Variants in RALGAPA1 observed in about 807,000 individuals in gnomAD.
RALGAPA1 encodes Ral GTPase activating protein catalytic subunit alpha 1, also known as ral GTPase-activating protein subunit alpha-1.
In RALGAPA1, 52 loss-of-function variants were observed where a neutral mutation model predicts 269.6. The ratio of observed to expected loss-of-function variants is 0.19; its 90% CI spans 0.15 to 0.24. The LOEUF (loss-of-function observed/expected upper bound fraction) is 0.24. Ranked by LOEUF, RALGAPA1 falls within the 10% of genes least tolerant of loss-of-function variation. The pLI is 1.00. For synonymous variants in RALGAPA1, 817 were observed against 1,008.3 expected (o/e 0.81, Z 3.60); for missense variants, 1,917 against 3,013.9 (o/e 0.64, Z 8.52).
intron 39 of RALGAPA1, among the ~76,000 whole-genome samples, chr14:35,567,521 T>C (rs966992651): frequency 1.3e-5 from 2 of 152,098 alleles, no homozygotes; most frequent in Non-Finnish European, 2.9e-5. Flanking sequence ...GTTCAGAGAT[T>C]CTGTGACTTG....
In RALGAPA1 at chr14:35,549,117, A is replaced by T. The variant is rs915879213; in HGVS notation, c.7614T>A (p.Ser2538=). Residue 2538 remains serine (S), a synonymous_variant, in exon 40 of 42, where the codon TCT becomes TCA. Coordinates refer to ENST00000680220, the MANE Select transcript of RALGAPA1 (RefSeq NM_001346249.2). The part of the protein sequence containing the change: ...FSPAPYHHLP[S]DADH ...ACTCGCTTTTAATCTTACCGGCATCAGATGGTAAATGGTGGTAGGGAGCTG... is the reference window on the plus strand; with the variant it reads ...ACTCGCTTTTAATCTTACCGGCATCTGATGGTAAATGGTGGTAGGGAGCTG... 1.2e-6 allele frequency: 2 copies of T among 1,611,336 alleles called. No individual in the cohort carries two copies. Among genetic ancestry groups the T allele is most frequent in the African/African-American group, 2.7e-5 (2 of 74,816 alleles).
chr14:35,608,436 A>C (rs1005761899), intron 35 of RALGAPA1, among the ~76,000 whole-genome samples: 4 of 152,210 alleles, frequency 2.6e-5, no homozygotes, highest in African/African-American at 9.7e-5. Context: ...GTTAGAAAAT[A>C]AACAAATGAC....
At chr14:35,739,725 T>A (rs746650803) in intron 11 of RALGAPA1, among the ~76,000 whole-genome samples, 1 of 152,128 alleles carries the variant, frequency 6.6e-6, no homozygotes, top group African/African-American at 2.4e-5. Context: ...CCACTGCAAC[T>A]ACCGCTGTCC....
intron 1 of RALGAPA1, among the ~76,000 whole-genome samples, chr14:35,776,288 C>T (rs921679287): frequency 2.7e-5 from 4 of 150,820 alleles, no homozygotes; most frequent in African/African-American, 7.3e-5. Flanking sequence ...GGCTGAGGCA[C>T]GAGAATCACT....
intron 4 of RALGAPA1, among the ~76,000 whole-genome samples, chr14:35,770,445 T>C (rs558332138): frequency 6.6e-6 from 1 of 151,202 alleles, no homozygotes; most frequent in East Asian, 2.0e-4. Flanking sequence ...AAAGAAGAAA[T>C]CAAAGGCATC....
At chr14:35,638,775 A>AATT (rs1180683230) in intron 31 of RALGAPA1, among the ~76,000 whole-genome samples, 3 of 151,846 alleles carry the variant, frequency 2.0e-5, no homozygotes, top group Non-Finnish European at 2.9e-5. Flanking sequence ...AAAACCAAAA[A>AATT]ATTAGCTGGG....
Position 35,775,665 on chromosome 14 carries a change from C to G in RALGAPA1, c.187G>C (p.Val63Leu), listed in dbSNP as rs745648650. 6.3e-7 allele frequency: 1 copy of G among 1,576,302 alleles called. No individual in the cohort carries two copies. Reference protein sequence around the residue: ...HIYYVFFENFVTIEASLKQKG... With the variant: ...HIYYVFFENFLTIEASLKQKG... ...TGTTTAAGACTAGCTTCAATAGTCA[C>G]AAAATTTTCAAAGAACACATAGTAT... Residue 63 changes from valine (V) to leucine (L), a missense_variant, in exon 2 of 42, where the codon GTG (valine) becomes CTG (leucine). Around this residue, in one of 11 missense-constraint regions of RALGAPA1, gnomAD observed 462 missense variants for 725.6 expected, o/e 0.64. Coordinates refer to ENST00000680220, the MANE Select transcript of RALGAPA1 (RefSeq NM_001346249.2).
At chr14:35,713,696 G>A (rs960322010) in intron 16 of RALGAPA1, among the ~76,000 whole-genome samples, 6 of 152,004 alleles carry the variant, frequency 3.9e-5, no homozygotes, top group African/African-American at 1.4e-4. Flanking sequence ...TAATACTAGA[G>A]CATATGGACA....
intron 28 of RALGAPA1, among the ~76,000 whole-genome samples, chr14:35,658,014 C>T (rs1265658542): frequency 1.3e-5 from 2 of 152,128 alleles, no homozygotes; most frequent in Non-Finnish European, 2.9e-5. Context: ...TGCCTACATC[C>T]CCCGTCCCAC....
At chr14:35,557,966 A>G (rs939170917) in intron 39 of RALGAPA1, among the ~76,000 whole-genome samples, 2 of 152,198 alleles carry the variant, frequency 1.3e-5, no homozygotes, top group African/African-American at 2.4e-5. Context: ...TCTGAAAATA[A>G]GCATTAATTT....
At chr14:35,709,442 T>C (rs764906303) in intron 16 of RALGAPA1, among the ~76,000 whole-genome samples, 3 of 152,118 alleles carry the variant, frequency 2.0e-5, no homozygotes, top group Non-Finnish European at 2.9e-5. Flanking sequence ...TAATAATTGA[T>C]ATCTTCTTAT....
chr14:35,649,709 A>G (rs1209458050), intron 31 of RALGAPA1, among the ~76,000 whole-genome samples: 1 of 152,178 alleles, frequency 6.6e-6, no homozygotes, highest in Non-Finnish European at 1.5e-5. Context: ...CCCAATAGTT[A>G]ATTACTTCTT....
chr14:35,612,676 CTACAG>C (rs2060020835), intron 35 of RALGAPA1, among the ~76,000 whole-genome samples: 1 of 151,646 alleles, frequency 6.6e-6, no homozygotes, highest in Non-Finnish European at 1.5e-5. Flanking sequence ...GTGGCTGGGA[CTACAG>C]GCGCCCGCCA....
chr14:35,556,453 C>G (rs530190904), intron 39 of RALGAPA1, among the ~76,000 whole-genome samples: 1 of 152,256 alleles, frequency 6.6e-6, no homozygotes, highest in South Asian at 2.1e-4. Flanking sequence ...GTCTAGTTCA[C>G]ATGTAGTAAA....
In RALGAPA1 at chr14:35,542,840, T is replaced by G. The variant is rs148625307; in HGVS notation, c.*24-3150A>C. ...ATCTGATGGGATAAATTGATTCATATATTGCACATTGATTACAATAAACTA... is the reference window on the plus strand; with the variant it reads ...ATCTGATGGGATAAATTGATTCATAGATTGCACATTGATTACAATAAACTA... On this transcript the variant is annotated intron_variant, in intron 41 of 41. Transcript: ENST00000680220. 3.9e-4 allele frequency among the ~76,000 whole-genome samples: 60 copies of G among 152,356 alleles called. 1 individual carries two copies. The highest frequency in any genetic ancestry group is 1.3e-3 in the African/African-American group (52 of 41,576).
intron 4 of RALGAPA1, among the ~76,000 whole-genome samples, chr14:35,770,712 T>C (rs2074546569): frequency 1.3e-5 from 2 of 152,186 alleles, no homozygotes; most frequent in Non-Finnish European, 2.9e-5. Flanking sequence ...TCAATGTTAA[T>C]GTATCAGAAT....
intron 35 of RALGAPA1, among the ~76,000 whole-genome samples, chr14:35,611,688 T>C (rs1235429895): frequency 3.3e-5 from 5 of 151,602 alleles, no homozygotes; most frequent in Non-Finnish European, 5.9e-5. Flanking sequence ...TGAGCTCTGA[T>C]CATGCCATTG....
intron 21 of RALGAPA1, 60 bp downstream of exon 21, chr14:35,683,749 C>A: frequency 1.5e-6 from 2 of 1,319,242 alleles, no homozygotes; most frequent in East Asian, 4.9e-5. Context: ...AAATTTTAAT[C>A]AAATTCTTTG....
At chr14:35,782,269 G>A (rs2075485375) in intron 1 of RALGAPA1, among the ~76,000 whole-genome samples, 1 of 152,034 alleles carries the variant, frequency 6.6e-6, no homozygotes, top group Non-Finnish European at 1.5e-5. Flanking sequence ...AACAAAAGAA[G>A]TACAAGACTT....
Sources: gnomAD v4.1 joint callset for allele counts (sites outside exome capture counted in the v4.1 genomes callset) on GRCh38, gnomAD v4.1.1 for gene constraint, gnomAD v4.1.1 regional missense constraint, MANE v1.5 for transcripts, NCBI Gene and HGNC (gene_info 2026-07-23, HGNC 2026-07-21) for gene names.